The following DAB1 variants were observed in gnomAD, a reference collection of about 807,000 sequenced individuals.
DAB1 encodes disabled homolog 1.
In DAB1, 15 loss-of-function variants were observed where a neutral mutation model predicts 64.6. The observed-to-expected ratio is 0.23, with a 90% CI of 0.16 to 0.36. The LOEUF is 0.36. DAB1 is among the 10% of genes least tolerant of loss of function. The pLI is 1.00. For missense variants in DAB1, 596 were observed against 706.7 expected, an observed-to-expected ratio of 0.84 and a Z score of 1.78; for synonymous variants, 235 against 251.9, an observed-to-expected ratio of 0.93 and a Z score of 0.64.
chr1:57,150,593 G>A (rs906248658), intron 2 of DAB1, among the ~76,000 whole-genome samples: 2 of 152,116 alleles, frequency 1.3e-5, no homozygotes, highest in African/African-American at 4.8e-5. Flanking sequence ...GACACTCACA[G>A]CTCTGGTCAT....
chr1:58,468,053 T>C (rs1645313832), intron 3 of DAB1: 1 of 152,354 alleles, frequency 6.6e-6, no homozygotes, highest in African/African-American at 2.4e-5. Flanking sequence ...GCCTCCCAAG[T>C]AGCTGGTACT....
intron 1 of DAB1, among the ~76,000 whole-genome samples, chr1:57,389,689 G>A (rs1054902322): frequency 4.6e-5 from 7 of 152,132 alleles, no homozygotes; most frequent in Admixed American, 6.6e-5. Flanking sequence ...CTAATGCATA[G>A]TACATGGGTA....
At chr1:57,028,558 G>C (rs2100409422) in intron 9 of DAB1, among the ~76,000 whole-genome samples, 1 of 152,284 alleles carries the variant, frequency 6.6e-6, no homozygotes, top group Middle Eastern at 3.4e-3. Flanking sequence ...AAGAAGACAG[G>C]AAAATGTGAG....
intron 1 of DAB1, among the ~76,000 whole-genome samples, chr1:57,333,847 A>G (rs1380095580): frequency 6.6e-6 from 1 of 152,190 alleles, no homozygotes; most frequent in African/African-American, 2.4e-5. Context: ...AACAAATTTG[A>G]TATTTACCAT....
intron 3 of DAB1, among the ~76,000 whole-genome samples, chr1:58,429,748 C>T (rs1345127897): frequency 2.0e-5 from 3 of 152,140 alleles, no homozygotes; most frequent in Non-Finnish European, 4.4e-5. Flanking sequence ...GGCAAGGAAC[C>T]CCACTCCCTG....
chr1:57,568,537 G>A (rs139502573), intron 7 of DAB1, among the ~76,000 whole-genome samples: 5,225 of 152,180 alleles, frequency 0.034, 326 homozygotes, highest in African/African-American at 0.12. Context: ...TCTGATAAAG[G>A]TCTAATATCC....
intron 5 of DAB1, among the ~76,000 whole-genome samples, chr1:58,052,468 T>C (rs1647741117): frequency 6.6e-6 from 1 of 152,214 alleles, no homozygotes; most frequent in African/African-American, 2.4e-5. Flanking sequence ...TAGTTTGAAG[T>C]CAGGTAGCGT....
At position 57,697,001 on chromosome 1, in the gene DAB1, A is replaced by G. The variant is rs117701758; in HGVS notation, n.552-47336T>C. 5.3e-5 allele frequency among the ~76,000 whole-genome samples: 8 copies of G among 152,316 alleles called. 1 individual carries two copies. The East Asian group carries it at 1.5e-3, about 29-fold the overall frequency. The stretch of plus-strand genomic sequence containing the variant: ...GCTTACATTTTGAAGCTCCCATCCA[A>G]AAGTCACCTTCTCTGTGAAATCTAA... On this transcript the variant is annotated intron_variant and non_coding_transcript_variant, in intron 6 of 20. Coordinates refer to the DAB1 transcript ENST00000485760.
chr1:58,300,073 A>C (rs933201308), intron 4 of DAB1, among the ~76,000 whole-genome samples: 1 of 152,186 alleles, frequency 6.6e-6, no homozygotes, highest in Non-Finnish European at 1.5e-5. Context: ...TGAGTAGACA[A>C]AGGTAGATTT....
intron 3 of DAB1, among the ~76,000 whole-genome samples, chr1:58,406,716 C>T (rs953286732): frequency 6.0e-5 from 5 of 83,182 alleles, no homozygotes; most frequent in East Asian, 2.4e-4. Flanking sequence ...TCATCCCCCC[C>T]CCCCAACTGC....
At chr1:58,172,614 C>T (rs906095446) in intron 4 of DAB1, among the ~76,000 whole-genome samples, 1 of 152,178 alleles carries the variant, frequency 6.6e-6, no homozygotes, top group Non-Finnish European at 1.5e-5. Flanking sequence ...ATAGTACAGA[C>T]TTATGCCGCC....
chr1:57,299,800 G>T (rs1016307534), intron 1 of DAB1, among the ~76,000 whole-genome samples: 1 of 152,220 alleles, frequency 6.6e-6, no homozygotes, highest in African/African-American at 2.4e-5. Context: ...GCCATTGACT[G>T]CCTAGGTAAA....
chr1:58,263,244 T>C (rs1387507854), intron 4 of DAB1, among the ~76,000 whole-genome samples: 1 of 152,222 alleles, frequency 6.6e-6, no homozygotes, highest in African/African-American at 2.4e-5. Context: ...GAGTTGTTTA[T>C]AGGATGCAGA....
At chr1:57,784,088 C>T (rs965674280) in intron 6 of DAB1, among the ~76,000 whole-genome samples, 2 of 152,176 alleles carry the variant, frequency 1.3e-5, no homozygotes, top group Non-Finnish European at 2.9e-5. Context: ...GAGAGAAGTA[C>T]AGCTTATTAG....
intron 6 of DAB1, among the ~76,000 whole-genome samples, chr1:57,652,034 T>C (rs1646262467): frequency 6.6e-6 from 1 of 152,098 alleles, no homozygotes; most frequent in South Asian, 2.1e-4. Context: ...CCAACCACCT[T>C]TGTAAAGCTA....
At chr1:57,415,531 G>C (rs1235637412) in intron 1 of DAB1, among the ~76,000 whole-genome samples, 1 of 152,112 alleles carries the variant, frequency 6.6e-6, no homozygotes, top group Non-Finnish European at 1.5e-5. Context: ...AATCTATTCA[G>C]CTTCCCAAAG....
chr1:58,047,127 A>G (rs1647290951), intron 5 of DAB1, among the ~76,000 whole-genome samples: 1 of 152,170 alleles, frequency 6.6e-6, no homozygotes, highest in Non-Finnish European at 1.5e-5. Context: ...ATTCTGTTTT[A>G]TTATGCCATG....
chr1:58,294,196 T>G (rs530485170), intron 4 of DAB1, among the ~76,000 whole-genome samples: 1 of 152,280 alleles, frequency 6.6e-6, no homozygotes, highest in South Asian at 2.1e-4. Flanking sequence ...GACAGGACTT[T>G]AATTTCATCA....
At chr1:57,093,783 G>T (rs1377469125) in intron 4 of DAB1, among the ~76,000 whole-genome samples, 1 of 152,106 alleles carries the variant, frequency 6.6e-6, no homozygotes, top group Non-Finnish European at 1.5e-5. Context: ...GTATCTAGAA[G>T]AGGGCCTAGT....
Sources: allele counts gnomAD v4.1 joint callset (sites outside exome capture counted in the v4.1 genomes callset), GRCh38; gene constraint gnomAD v4.1.1; transcripts MANE v1.5; gene names NCBI Gene and HGNC (gene_info 2026-07-23, HGNC 2026-07-21).